Variants in TTC29 observed in about 807,000 individuals in gnomAD.
The protein encoded by TTC29 is tetratricopeptide repeat domain 29, also known as tetratricopeptide repeat protein 29.
In TTC29, 49 loss-of-function variants were observed where a neutral mutation model predicts 58.1. That is an observed-to-expected ratio of 0.84 (90% CI 0.67 to 1.07). The LOEUF is 1.07. TTC29 is among the 50% of genes least tolerant of loss of function. The pLI is 0.00. For missense variants in TTC29, 582 were observed against 555.6 expected (o/e 1.05, Z -0.48); for synonymous variants, 209 against 196.8 (o/e 1.06, Z -0.52).
intron 6 of TTC29, among the ~76,000 whole-genome samples, chr4:146,881,628 C>A (rs1294141528): frequency 3.9e-5 from 6 of 152,056 alleles, no homozygotes; most frequent in Admixed American, 6.6e-5. Context: ...GGCTTAACTG[C>A]ATGAACAATT....
chr4:146,853,044 AT>A (rs1193387492), intron 8 of TTC29, among the ~76,000 whole-genome samples: 2 of 152,144 alleles, frequency 1.3e-5, no homozygotes, highest in African/African-American at 2.4e-5. Context: ...TATACTAAAG[AT>A]TTTTACCATG....
chr4:146,744,759 A>G (rs1213671703), intron 11 of TTC29, among the ~76,000 whole-genome samples: 1 of 152,176 alleles, frequency 6.6e-6, no homozygotes, highest in Non-Finnish European at 1.5e-5. Flanking sequence ...CTCTGAGGGC[A>G]GAGATTACAT....
intron 7 of TTC29, among the ~76,000 whole-genome samples, chr4:146,873,351 TA>T (rs1331026327): frequency 6.6e-6 from 1 of 152,120 alleles, no homozygotes; most frequent in African/African-American, 2.4e-5. Flanking sequence ...TGGGGACAAA[TA>T]TTTTTTGGTT....
At chr4:146,909,323 T>C (rs1450382349) in intron 4 of TTC29, 74 bp from the exon 5 acceptor site, 1 of 1,166,434 alleles carries the variant, frequency 8.6e-7, no homozygotes, top group Admixed American at 2.2e-5. Context: ...CATTCTCTAA[T>C]AATTAAAGGT....
chr4:146,864,168 C>A (rs747051850), intron 8 of TTC29, among the ~76,000 whole-genome samples: 25 of 152,076 alleles, frequency 1.6e-4, no homozygotes, highest in Non-Finnish European at 2.9e-4. Context: ...TCCTCCAATT[C>A]TACATATCCA....
chr4:146,782,999 A>G (rs1748733298), intron 11 of TTC29, among the ~76,000 whole-genome samples: 1 of 151,986 alleles, frequency 6.6e-6, no homozygotes, highest in African/African-American at 2.4e-5. Context: ...TTGAAGTATA[A>G]CTCAAATTCT....
chr4:146,937,864 A>G (rs1735987025), intron 3 of TTC29, among the ~76,000 whole-genome samples, 187 bp from the exon 4 acceptor site: 1 of 152,170 alleles, frequency 6.6e-6, no homozygotes, highest in African/African-American at 2.4e-5. Flanking sequence ...ATGGAAAATG[A>G]TAAGGAAGAA....
In TTC29 at chr4:146,867,482, TA is replaced by T; in HGVS notation, c.885+15del. ...AATAAAAATTAAAAATGGCAGTGAT[TA>T]AAAGTTTAGCTTACTGTTAATGCTG... On this transcript the variant is annotated intron_variant, in intron 8 of 12. Coordinates refer to ENST00000325106, the MANE Select transcript of TTC29 (RefSeq NM_031956.4). 7.4e-7 allele frequency: 1 copy of T among 1,354,052 alleles called. No individual in the cohort carries two copies. The highest frequency in any genetic ancestry group is 9.8e-7 in the Non-Finnish European group (1 of 1,016,886). The allele number at this position is 1,354,052 out of a possible 1,614,324, so 83.9% of individuals were successfully genotyped here.
At chr4:146,909,620 T>G (rs887444084) in intron 4 of TTC29, among the ~76,000 whole-genome samples, 2 of 152,180 alleles carry the variant, frequency 1.3e-5, no homozygotes, top group African/African-American at 4.8e-5. Context: ...AAACTTGCCA[T>G]TTAATATCAA....
At chr4:146,755,012 T>C (rs928793284) in intron 11 of TTC29, among the ~76,000 whole-genome samples, 1 of 152,064 alleles carries the variant, frequency 6.6e-6, no homozygotes, top group Admixed American at 6.6e-5. Context: ...CACAAAAGAA[T>C]GGTTTGAACC....
chr4:146,849,584 A>C (rs1396718), intron 8 of TTC29, among the ~76,000 whole-genome samples: 65,317 of 151,832 alleles, frequency 0.43, 15,154 homozygotes, highest in African/African-American at 0.59. Flanking sequence ...TTTCATCATG[A>C]AGATCAATGA....
chr4:146,870,507 C>T (rs1201201471), intron 7 of TTC29, among the ~76,000 whole-genome samples: 1 of 151,534 alleles, frequency 6.6e-6, no homozygotes, highest in African/African-American at 2.4e-5. Flanking sequence ...AAATGAATAA[C>T]ATAAAGAATA....
chr4:146,803,694 G>C lies in TTC29; in HGVS notation c.1102-9C>G, dbSNP rs1750403012. 6.5e-7 allele frequency: 1 copy of C among 1,539,352 alleles called. No homozygotes were observed. On this transcript the variant is annotated splice_polypyrimidine_tract_variant and intron_variant, in intron 10 of 12. Coordinates refer to ENST00000325106, the MANE Select transcript of TTC29 (RefSeq NM_031956.4). ...GCTTTGTTGTAGTATCCCTAAAAAGGTAAGAGAAATAATTTTCTTTCTTAC... is the reference window on the plus strand; with the variant it reads ...GCTTTGTTGTAGTATCCCTAAAAAGCTAAGAGAAATAATTTTCTTTCTTAC...
chr4:146,860,010 G>A (rs541825801), intron 8 of TTC29, among the ~76,000 whole-genome samples: 2 of 152,276 alleles, frequency 1.3e-5, no homozygotes, highest in East Asian at 3.9e-4. Context: ...TTCAGCAGTA[G>A]ACAGAAATGT....
At chr4:146,764,521 C>T (rs558348438) in intron 11 of TTC29, among the ~76,000 whole-genome samples, 4 of 151,868 alleles carry the variant, frequency 2.6e-5, no homozygotes, top group African/African-American at 7.2e-5. Flanking sequence ...TTTATAAGTA[C>T]TTCAATAAAA....
chr4:146,770,048 A>G (rs1747612374), intron 11 of TTC29, among the ~76,000 whole-genome samples: 1 of 151,962 alleles, frequency 6.6e-6, no homozygotes, highest in African/African-American at 2.4e-5. Context: ...TCTGGACTTC[A>G]TGGTTTTCAG....
chr4:146,882,896 T>C (rs910428135), intron 6 of TTC29, among the ~76,000 whole-genome samples: 2 of 152,058 alleles, frequency 1.3e-5, no homozygotes, highest in African/African-American at 4.8e-5. Context: ...ATAATGTTGG[T>C]TGAACTTCTA....
At chr4:146,781,149 T>C (rs539551804) in intron 11 of TTC29, among the ~76,000 whole-genome samples, 1 of 151,980 alleles carries the variant, frequency 6.6e-6, no homozygotes, top group Non-Finnish European at 1.5e-5. Flanking sequence ...TAAGTATATA[T>C]TCAGAAATAC....
chr4:146,709,130 T>A (rs1240083712), intron 11 of TTC29, among the ~76,000 whole-genome samples: 1 of 152,180 alleles, frequency 6.6e-6, no homozygotes, highest in Non-Finnish European at 1.5e-5. Context: ...GTAATTTCAA[T>A]GTAAAGGTAG....
Sources: gnomAD v4.1 joint callset for allele counts (sites outside exome capture counted in the v4.1 genomes callset) on GRCh38, gnomAD v4.1.1 for gene constraint, MANE v1.5 for transcripts, NCBI Gene and HGNC (gene_info 2026-07-23, HGNC 2026-07-21) for gene names.